Variants in TBC1D8 observed in about 807,000 individuals in gnomAD.
The protein encoded by TBC1D8 is TBC1 domain family member 8.
TBC1D8 carries 65 observed loss-of-function variants against 118.8 expected under a neutral mutation model. The ratio of observed to expected loss-of-function variants is 0.55; its 90% CI spans 0.45 to 0.67. The LOEUF (loss-of-function observed/expected upper bound fraction) is 0.67. Ranked by LOEUF, TBC1D8 falls within the 30% of genes least tolerant of loss-of-function variation. The pLI is 0.00. For synonymous variants in TBC1D8, 566 were observed against 595.8 expected (o/e 0.95, Z 0.73); for missense variants, 1,376 against 1,471.2 (o/e 0.94, Z 1.06).
intron 5 of TBC1D8, among the ~76,000 whole-genome samples, chr2:101,049,367 G>A (rs11123859): frequency 0.46 from 70,577 of 151,968 alleles, 16,789 homozygotes; most frequent in Middle Eastern, 0.52. Context: ...TTCTGATGAC[G>A]AAGTGGTACC....
intron 1 of TBC1D8, among the ~76,000 whole-genome samples, chr2:101,143,551 T>C (rs67599081): frequency 0.12 from 18,831 of 151,962 alleles, 1,285 homozygotes; most frequent in Non-Finnish European, 0.16. Context: ...TACCAATAGG[T>C]AGTTCTTCCC....
intron 1 of TBC1D8, among the ~76,000 whole-genome samples, chr2:101,119,004 T>C (rs1383760556): frequency 6.6e-6 from 1 of 152,072 alleles, no homozygotes; most frequent in Non-Finnish European, 1.5e-5. Context: ...ACTGAGACCC[T>C]GTCTCTGCCC....
Position 101,051,429 on chromosome 2 carries a change from T to C in TBC1D8, c.632-788A>G, listed in dbSNP as rs1573940397. On this transcript the variant is annotated intron_variant, in intron 4 of 19. Transcript: ENST00000409318. ...TTATGATGAAGATGCCAAAAAGCAA[T>C]TGCAACAGAAGCAAAAACTGACAAA... is the stretch of plus-strand genomic sequence containing the variant. Among the ~76,000 whole-genome samples, 3 of 152,102 alleles carry C rather than the reference T, an allele frequency of 2.0e-5. No homozygotes were observed. In the East Asian group the frequency reaches 5.8e-4, roughly 29 times the overall value.
At chr2:101,136,164 T>G (rs1190827507) in intron 1 of TBC1D8, among the ~76,000 whole-genome samples, 1 of 152,170 alleles carries the variant, frequency 6.6e-6, no homozygotes, top group African/African-American at 2.4e-5. Flanking sequence ...ACGTTGAAAT[T>G]TGATCTCCAG....
intron 1 of TBC1D8, among the ~76,000 whole-genome samples, chr2:101,129,603 G>A (rs1053927016): frequency 1.3e-5 from 2 of 152,076 alleles, no homozygotes; most frequent in Non-Finnish European, 2.9e-5. Flanking sequence ...GGGGTTTCTA[G>A]ATTTGCTAGA....
intron 1 of TBC1D8, among the ~76,000 whole-genome samples, chr2:101,097,656 C>T (rs1472521142): frequency 6.6e-6 from 1 of 152,026 alleles, no homozygotes; most frequent in East Asian, 1.9e-4. Context: ...AATTTGAGAC[C>T]ACCCTGGGCA....
intron 2 of TBC1D8, among the ~76,000 whole-genome samples, chr2:101,087,173 G>A (rs1675692859): frequency 6.6e-6 from 1 of 152,210 alleles, no homozygotes; most frequent in Non-Finnish European, 1.5e-5. Flanking sequence ...CAGGCCACAG[G>A]TTGGACAAGC....
At chr2:101,026,154 G>A (rs13417223) in intron 15 of TBC1D8, among the ~76,000 whole-genome samples, 3,419 of 152,180 alleles carry the variant, frequency 0.022, 129 homozygotes, top group African/African-American at 0.079. Flanking sequence ...TCCGACATGC[G>A]ATAGTTCCTA....
chr2:101,151,379 C>T lies in TBC1D8; in HGVS notation c.-126G>A, dbSNP rs1423013310. 8.4e-6 allele frequency: 8 copies of T among 947,910 alleles called. No individual in the cohort carries two copies. The highest frequency in any genetic ancestry group is 4.9e-5 in the South Asian group (1 of 20,494). The allele number at this position is 947,910 out of a possible 1,614,324, so 58.7% of individuals were successfully genotyped here. The stretch of plus-strand genomic sequence containing the variant: ...ACCACAGCCCGGCCGGTGCCCAGCG[C>T]TCTGAGAGCCCGCGGAGCGCAGCAG... On this transcript the variant is annotated 5_prime_UTR_variant, in exon 1 of 20. Transcript: ENST00000409318.
intron 2 of TBC1D8, among the ~76,000 whole-genome samples, chr2:101,073,152 A>C (rs376314068): frequency 1.4e-5 from 2 of 143,340 alleles, no homozygotes; most frequent in African/African-American, 5.1e-5. Context: ...TAGCCCCTAT[A>C]TCAAGAGGAG....
intron 2 of TBC1D8, among the ~76,000 whole-genome samples, chr2:101,066,263 G>A (rs1036378943): frequency 1.3e-5 from 2 of 151,934 alleles, no homozygotes; most frequent in Non-Finnish European, 2.9e-5. Context: ...CAGCCTGGGC[G>A]AAACAGCAAG....
intron 1 of TBC1D8, among the ~76,000 whole-genome samples, chr2:101,100,401 T>C (rs901114706): frequency 6.6e-6 from 1 of 152,152 alleles, no homozygotes; most frequent in Non-Finnish European, 1.5e-5. Flanking sequence ...TCCTCATGGA[T>C]AGGAAGAATC....
chr2:101,118,225 C>CT (rs908626588), intron 1 of TBC1D8, among the ~76,000 whole-genome samples: 8 of 151,392 alleles, frequency 5.3e-5, no homozygotes, highest in African/African-American at 1.7e-4. Context: ...GCTTTCAGTA[C>CT]TTTTTTTTTC....
At chr2:101,050,701 T>G in intron 4 of TBC1D8, 60 bp from the exon 5 acceptor site, 1 of 1,581,156 alleles carries the variant, frequency 6.3e-7, no homozygotes, top group Admixed American at 1.7e-5. Flanking sequence ...AACTTGAGTG[T>G]GTCAGCAAGC....
At chr2:101,010,584 G>GA (rs1679127453) in intron 19 of TBC1D8, among the ~76,000 whole-genome samples, 2 of 152,066 alleles carry the variant, frequency 1.3e-5, no homozygotes, top group Middle Eastern at 6.8e-3. Flanking sequence ...TTAATCATCT[G>GA]AAAAAACAGT....
intron 1 of TBC1D8, among the ~76,000 whole-genome samples, chr2:101,142,710 A>C (rs1430557832): frequency 6.6e-6 from 1 of 152,252 alleles, no homozygotes; most frequent in Non-Finnish European, 1.5e-5. Flanking sequence ...TTACAAAAAC[A>C]CACAAAACTG....
chr2:101,028,613 T>C, intron 12 of TBC1D8, 181 bp from the exon 13 acceptor site: 1 of 843,624 alleles, frequency 1.2e-6, no homozygotes, highest in South Asian at 2.7e-5. Context: ...GCCCGGCTTG[T>C]GGATTGGGCT....
At position 101,029,520 on chromosome 2, in the gene TBC1D8, A is replaced by C. The variant is rs759011807; in HGVS notation, c.2193T>G (p.Asp731Glu). 6 of 1,613,772 alleles carry C rather than the reference A, an allele frequency of 3.7e-6. No homozygotes were observed. In the East Asian group the frequency reaches 1.3e-4, roughly 36 times the overall value. ...TGAGGATCATCAAGGCCTGGCCATC[A>C]TCCTTGCTGCTGCACAGGTCCTCAG... ...ANAEDLCSSK[D>E]DGQALMILSR... Residue 731 changes from aspartate to glutamate, a missense_variant, in exon 12 of 20, where the codon GAT (aspartate) becomes GAG (glutamate). Physicochemically the swap from Asp to Glu is conservative, Grantham distance 45. Coordinates refer to ENST00000409318, the MANE Select transcript of TBC1D8 (RefSeq NM_001330348.2).
intron 1 of TBC1D8, among the ~76,000 whole-genome samples, chr2:101,136,059 C>A (rs1678842362): frequency 6.6e-6 from 1 of 152,038 alleles, no homozygotes; most frequent in African/African-American, 2.4e-5. Flanking sequence ...AGGGTTTCAC[C>A]ATGTTGCCTA....
Sources: gnomAD v4.1 joint callset for allele counts (sites outside exome capture counted in the v4.1 genomes callset) on GRCh38, gnomAD v4.1.1 for gene constraint, MANE v1.5 for transcripts, NCBI Gene and HGNC (gene_info 2026-07-23, HGNC 2026-07-21) for gene names.